LRGUK: variants seen among roughly 807,000 people sequenced by gnomAD.
LRGUK encodes the protein leucine-rich repeat and guanylate kinase domain-containing protein.
LRGUK carries 65 observed loss-of-function variants against 76.0 expected under a neutral mutation model. That is an observed-to-expected ratio of 0.85 (90% CI 0.70 to 1.05). LRGUK has a LOEUF of 1.05. Among genes scored for constraint, LRGUK ranks in the 50% least tolerant of loss-of-function variants. The pLI is 0.00. For missense variants in LRGUK, 758 were observed against 732.8 expected (o/e 1.03, Z -0.40); for synonymous variants, 268 against 265.6 (o/e 1.01, Z -0.09).
At chr7:134,190,501 C>A (rs762916975) in intron 11 of LRGUK, among the ~76,000 whole-genome samples, 1 of 152,204 alleles carries the variant, frequency 6.6e-6, no homozygotes. Context: ...AGCTACTGTG[C>A]CTGGCTCTCA....
chr7:134,235,966 G>A (rs1004912486), intron 16 of LRGUK, among the ~76,000 whole-genome samples: 18 of 152,054 alleles, frequency 1.2e-4, no homozygotes, highest in African/African-American at 3.6e-4. Context: ...AATGTTATCC[G>A]CATAAGATAT....
At chr7:134,184,424 C>A (rs1799896362) in intron 11 of LRGUK, among the ~76,000 whole-genome samples, 1 of 151,916 alleles carries the variant, frequency 6.6e-6, no homozygotes, top group Admixed American at 6.6e-5. Context: ...CGGCTGCCAC[C>A]ATGCCTGGCT....
At chr7:134,275,100 C>T in the LRGUK span, among the ~76,000 whole-genome samples, 2 of 152,000 alleles carry the variant, frequency 1.3e-5, no homozygotes, top group Non-Finnish European at 2.9e-5. Flanking sequence ...TTTCTCTACT[C>T]TGATGTATAT....
chr7:134,249,572 G>A (rs1352476269), intron 18 of LRGUK, among the ~76,000 whole-genome samples: 2 of 152,004 alleles, frequency 1.3e-5, no homozygotes, highest in Non-Finnish European at 2.9e-5. Context: ...ATTCACCTTG[G>A]CCAAAGAGTG....
In LRGUK at chr7:134,199,567, A is replaced by C. The variant is rs924325141; in HGVS notation, c.1747+146A>C. 9.3e-6 allele frequency: 6 copies of C among 646,798 alleles called. No individual in the cohort carries two copies. The African/African-American group carries it at 1.1e-4, about 12-fold the overall frequency. 40.1% of individuals were successfully genotyped at this position (646,798 alleles called of 1,614,324 possible). A position where few individuals can be genotyped will look rare whatever the true frequency, so the allele number is the denominator to read the frequency against. On this transcript the variant is annotated intron_variant, in intron 14 of 15. Transcript: ENST00000645682. ...AGCTGCGAAAAGGGGTAAGAATCCA[A>C]GAGGTCTAATCTTCCACTGTTTTAA...
At chr7:134,223,055 T>C (rs1002906538) in intron 16 of LRGUK, among the ~76,000 whole-genome samples, 11 of 152,212 alleles carry the variant, frequency 7.2e-5, no homozygotes, top group Non-Finnish European at 1.3e-4. Context: ...TTACTCTTAC[T>C]GAGTCACAAT....
At chr7:134,220,187 T>C (rs975828123) in intron 15 of LRGUK, among the ~76,000 whole-genome samples, 1 of 152,232 alleles carries the variant, frequency 6.6e-6, no homozygotes. Flanking sequence ...CACTTTGTGA[T>C]TAAACACAGT....
intron 11 of LRGUK, among the ~76,000 whole-genome samples, chr7:134,189,426 A>T (rs1169224248): frequency 6.6e-6 from 1 of 152,132 alleles, no homozygotes; most frequent in Admixed American, 6.5e-5. Context: ...ACATTTCTAT[A>T]TGTGAAAATT....
chr7:134,193,075 G>T (rs1227888943), intron 12 of LRGUK, among the ~76,000 whole-genome samples: 1 of 152,192 alleles, frequency 6.6e-6, no homozygotes, highest in Non-Finnish European at 1.5e-5. Flanking sequence ...TATACATGGT[G>T]CCTGTTTTCT....
At chr7:134,165,962 C>T (rs1002141506) in intron 7 of LRGUK, among the ~76,000 whole-genome samples, 2 of 152,046 alleles carry the variant, frequency 1.3e-5, no homozygotes, top group Non-Finnish European at 2.9e-5. Flanking sequence ...GCCACGTGTC[C>T]CAAAGGGGGA....
chr7:134,258,695 C>CA (rs201252976), intron 19 of LRGUK, among the ~76,000 whole-genome samples: 45 of 134,240 alleles, frequency 3.4e-4, no homozygotes, highest in East Asian at 2.4e-3. Context: ...AACTCCGTCT[C>CA]AAAAAAAAAA....
chr7:134,187,218 G>A (rs567926769), intron 11 of LRGUK, among the ~76,000 whole-genome samples: 5 of 151,240 alleles, frequency 3.3e-5, no homozygotes, highest in Non-Finnish European at 7.4e-5. Flanking sequence ...ACATTCTCAA[G>A]GACAAGTCAT....
At chr7:134,268,389 TA>T (rs59736392), downstream of LRGUK, among the ~76,000 whole-genome samples, 7,100 of 152,200 alleles carry the variant, frequency 0.047, 434 homozygotes, top group African/African-American at 0.14. Context: ...ACTCTTTTCT[TA>T]AAAAACACAA....
intron 5 of LRGUK, among the ~76,000 whole-genome samples, chr7:134,150,046 C>T (rs11973601): frequency 0.13 from 19,664 of 152,064 alleles, 1,609 homozygotes; most frequent in East Asian, 0.32. Flanking sequence ...GAGGCCAAGG[C>T]GGGCAGATCA....
intron 18 of LRGUK, among the ~76,000 whole-genome samples, chr7:134,256,109 C>G (rs1172887921): frequency 6.6e-6 from 1 of 152,088 alleles, no homozygotes. Context: ...CTTCCCTGCT[C>G]CTGCCTTTTC....
At chr7:134,241,083 A>G (rs1489958047) in intron 16 of LRGUK, among the ~76,000 whole-genome samples, 1 of 152,242 alleles carries the variant, frequency 6.6e-6, no homozygotes, top group Non-Finnish European at 1.5e-5. Context: ...AACCAGTACC[A>G]GCCACTGCAA....
intron 5 of LRGUK, among the ~76,000 whole-genome samples, chr7:134,151,462 T>A (rs1317818287): frequency 6.6e-6 from 1 of 151,980 alleles, no homozygotes; most frequent in Non-Finnish European, 1.5e-5. Context: ...GACCCCAAAT[T>A]TTCAAAACAG....
At chr7:134,254,185 T>G (rs1478224486) in intron 18 of LRGUK, among the ~76,000 whole-genome samples, 1 of 152,222 alleles carries the variant, frequency 6.6e-6, no homozygotes, top group Admixed American at 6.5e-5. Context: ...TTTTTAAAAT[T>G]ATTTTTTAAA....
rs560091642 is a variant in LRGUK at position 134,142,013 on chromosome 7, A to T, written c.488-1049A>T. Among the ~76,000 whole-genome samples, 5 of 152,220 alleles carry T rather than the reference A, an allele frequency of 3.3e-5. No individual in the cohort carries two copies. In the East Asian group the frequency reaches 9.7e-4, roughly 29 times the overall value. ...GGAGGCCCCTTACATAGCATGTCCT[A>T]CCCACCTCAGGGCAGGGCCCCAACT... On this transcript the variant is annotated intron_variant, in intron 3 of 15. Coordinates refer to ENST00000645682, the Ensembl canonical transcript of LRGUK.
Sources: allele counts gnomAD v4.1 joint callset (sites outside exome capture counted in the v4.1 genomes callset), GRCh38; gene constraint gnomAD v4.1.1; transcripts MANE v1.5; gene names NCBI Gene and HGNC (gene_info 2026-07-23, HGNC 2026-07-21).